The following PCDHGA10 variants were observed in gnomAD, a reference collection of about 807,000 sequenced individuals.
The protein encoded by PCDHGA10 is protocadherin gamma-A10.
PCDHGA10 carries 42 observed loss-of-function variants against 59.5 expected under a neutral mutation model. That is an observed-to-expected ratio of 0.71 (90% confidence interval 0.55 to 0.91). The LOEUF (loss-of-function observed/expected upper bound fraction) is 0.91. Ranked by LOEUF, PCDHGA10 falls within the 40% of genes least tolerant of loss-of-function variation. PCDHGA10 has a pLI of 0.00. For synonymous variants in PCDHGA10, 511 were observed against 517.2 expected (o/e 0.99, Z 0.16); for missense variants, 1,111 against 1,198.2 (o/e 0.93, Z 1.07).
At chr5:141,465,889 G>A (rs956310325) in intron 1 of PCDHGA10, among the ~76,000 whole-genome samples, 4 of 152,056 alleles carry the variant, frequency 2.6e-5, no homozygotes, top group Admixed American at 6.5e-5. Context: ...TTGGGAGGCC[G>A]AGGCGGGCAA....
intron 1 of PCDHGA10, chr5:141,421,469 G>C (rs767500900): frequency 2.5e-6 from 4 of 1,614,122 alleles, no homozygotes; most frequent in Non-Finnish European, 3.4e-6. Context: ...GTGAATCCGC[G>C]AAGCGGCAGC....
chr5:141,495,839 A>G (rs2099764148), intron 2 of PCDHGA10, among the ~76,000 whole-genome samples: 1 of 150,756 alleles, frequency 6.6e-6, no homozygotes, highest in South Asian at 2.1e-4. Flanking sequence ...CCCAGCCTCT[A>G]TGTTTCTCTG....
Position 141,490,721 on chromosome 5 carries a change from T to C in PCDHGA10, c.2437-4086T>C, listed in dbSNP as rs779242781. On this transcript the variant is annotated intron_variant, in intron 1 of 3. Coordinates refer to ENST00000398610, the MANE Select transcript of PCDHGA10 (RefSeq NM_018913.3). This position sits in a 1 kb window ranked among gnomAD's most constrained non-coding sequence, Gnocchi z 5.4. The stretch of plus-strand genomic sequence containing the variant: ...AATGCCCGCCTCACCTACTCCATTG[T>C]AGGAAATCAGGTTCAGGGAGCCCCA... 23 of 1,614,056 alleles carry C rather than the reference T, an allele frequency of 1.4e-5. No individual in the cohort carries two copies. The highest frequency in any genetic ancestry group is 6.6e-5 in the South Asian group (6 of 91,080).
In PCDHGA10 at chr5:141,491,832, C is replaced by A; in HGVS notation, c.2437-2975C>A. On this transcript the variant is annotated intron_variant, in intron 1 of 3. Coordinates refer to ENST00000398610, the MANE Select transcript of PCDHGA10 (RefSeq NM_018913.3). The surrounding 1 kb of genome is among the most constrained non-coding windows in gnomAD (Gnocchi z 6.9). ...GTCGCTGGCTGCGCTCCACCCGATT[C>A]TCGGGATCATTGGACCGTTTGCGCG... 6.8e-7 allele frequency: 1 copy of A among 1,474,424 alleles called. No individual in the cohort carries two copies. 91.3% of individuals were successfully genotyped at this position (1,474,424 alleles called of 1,614,324 possible).
chr5:141,431,876 GA>G lies in PCDHGA10; in HGVS notation c.2436+16266del. 6.2e-7 allele frequency: 1 copy of G among 1,614,188 alleles called. No individual in the cohort carries two copies. Among genetic ancestry groups the G allele is most frequent in the Non-Finnish European group, 8.5e-7 (1 of 1,180,008 alleles). On this transcript the variant is annotated intron_variant, in intron 1 of 3. Transcript: ENST00000398610. The surrounding 1 kb of genome is among the most constrained non-coding windows in gnomAD (Gnocchi z 4.8). ...ATTAATTGCCCTTTTAAATGTAAATGACCAAGATTCTGAGGAAAACGGACAG... is the reference window on the plus strand; with the variant it reads ...ATTAATTGCCCTTTTAAATGTAAATGCCAAGATTCTGAGGAAAACGGACAG...
intron 1 of PCDHGA10, among the ~76,000 whole-genome samples, chr5:141,420,626 C>T (rs1192244062): frequency 6.6e-6 from 1 of 152,152 alleles, no homozygotes; most frequent in Non-Finnish European, 1.5e-5. Flanking sequence ...TTCATTTACT[C>T]AATAAAGGAA....
intron 1 of PCDHGA10, among the ~76,000 whole-genome samples, chr5:141,494,382 G>C (rs1311387598): frequency 6.6e-6 from 1 of 152,182 alleles, no homozygotes; most frequent in Non-Finnish European, 1.5e-5. Flanking sequence ...CCCAGCTGAG[G>C]AGTTGAATAA....
At chr5:141,484,891 C>T in intron 1 of PCDHGA10, 1 of 361,788 alleles carries the variant, frequency 2.8e-6, no homozygotes, top group Non-Finnish European at 5.0e-6. Context: ...GGGCTTTTTC[C>T]CCTCCAATGC....
chr5:141,505,486 G>A lies in PCDHGA10; in HGVS notation c.2584+5G>A, dbSNP rs1291166546. The A allele has an allele frequency of 1.8e-5, 29 of 1,614,088 alleles. No homozygotes were observed. The highest frequency in any genetic ancestry group is 2.1e-5 in the Non-Finnish European group (25 of 1,180,018). On this transcript the variant is annotated splice_donor_5th_base_variant and intron_variant, in intron 3 of 3. Transcript: ENST00000398610. ...TGATCTTGGCGTCCGCCAGTGGTAA[G>A]TGGTGTCAGTGTGTGTATGGAAGAG...
At chr5:141,459,775 T>C (rs377188083) in intron 1 of PCDHGA10, among the ~76,000 whole-genome samples, 8 of 152,362 alleles carry the variant, frequency 5.3e-5, no homozygotes, top group African/African-American at 1.4e-4. Flanking sequence ...TACTATCTCA[T>C]TGAAGTTTCA....
chr5:141,418,767 C>T (rs770275597), intron 1 of PCDHGA10: 1 of 1,613,850 alleles, frequency 6.2e-7, no homozygotes, highest in Non-Finnish European at 8.5e-7. Flanking sequence ...AACATTCTAA[C>T]TCAGCAGCCT....
At chr5:141,423,885 A>G in intron 1 of PCDHGA10, 6 of 1,277,816 alleles carry the variant, frequency 4.7e-6, no homozygotes, top group Non-Finnish European at 5.9e-6. Flanking sequence ...ATCTTGGCAT[A>G]TTTTCTTTTG....
At chr5:141,439,531 G>A (rs1474855779) in intron 1 of PCDHGA10, among the ~76,000 whole-genome samples, 5 of 152,126 alleles carry the variant, frequency 3.3e-5, no homozygotes, top group Admixed American at 3.3e-4. Flanking sequence ...TCTACAGAAC[G>A]CTGTCCTCTC....
At chr5:141,507,558 G>A (rs573728108) in intron 3 of PCDHGA10, among the ~76,000 whole-genome samples, 57 of 152,346 alleles carry the variant, frequency 3.7e-4, no homozygotes, top group African/African-American at 1.3e-3. Context: ...AGTGGCAGGC[G>A]GCTGGGTCTG....
chr5:141,457,899 C>CA (rs2098931976), intron 1 of PCDHGA10, among the ~76,000 whole-genome samples: 1 of 148,818 alleles, frequency 6.7e-6, no homozygotes, highest in Admixed American at 6.7e-5. Context: ...ACTGTGTAGA[C>CA]AAGGTGTGAG....
At chr5:141,483,385 G>C (rs1166547027) in intron 1 of PCDHGA10, among the ~76,000 whole-genome samples, 1 of 152,160 alleles carries the variant, frequency 6.6e-6, no homozygotes, top group Non-Finnish European at 1.5e-5. Context: ...AGAGAAGATT[G>C]ATAAATGCTT....
intron 1 of PCDHGA10, among the ~76,000 whole-genome samples, chr5:141,483,024 G>A (rs1210804345): frequency 6.6e-6 from 1 of 152,094 alleles, no homozygotes; most frequent in Non-Finnish European, 1.5e-5. Context: ...GGCAGAGGTT[G>A]CAATGAGCTG....
rs1212381177 is a variant in PCDHGA10 at position 141,438,571 on chromosome 5, TATACATAC to T, written c.2436+22976_2436+22983del. On this transcript the variant is annotated intron_variant, in intron 1 of 3. Coordinates refer to ENST00000398610, the MANE Select transcript of PCDHGA10 (RefSeq NM_018913.3). Reference sequence around the variant, plus strand: ...GCCCTAATAAGAGGCAGCTGTCTGATATACATACATACATACATACATATATATATATA... The same window carrying T: ...GCCCTAATAAGAGGCAGCTGTCTGATATACATACATACATATATATATATA... Among the ~76,000 whole-genome samples the T allele has an allele frequency of 2.8e-4, 26 of 94,536 alleles. 1 individual carries two copies. Among genetic ancestry groups the T allele is most frequent in the South Asian group, 1.0e-3 (3 of 2,950 alleles). 62.0% of individuals were successfully genotyped at this position (94,536 alleles called of 152,430 possible). A position where few individuals can be genotyped will look rare whatever the true frequency, so the allele number is the denominator to read the frequency against.
At chr5:141,492,710 G>A (rs11953270) in intron 1 of PCDHGA10, among the ~76,000 whole-genome samples, 27,341 of 152,278 alleles carry the variant, frequency 0.18, 2,647 homozygotes, top group Admixed American at 0.28. Flanking sequence ...GAAGCCTCGA[G>A]CAGGCGGACA....
Sources: gnomAD v4.1 joint callset for allele counts (sites outside exome capture counted in the v4.1 genomes callset) on GRCh38, gnomAD v4.1.1 for gene constraint, Gnocchi (gnomAD v3.1) non-coding constraint, MANE v1.5 for transcripts, NCBI Gene and HGNC (gene_info 2026-07-23, HGNC 2026-07-21) for gene names.